The following FCF1 variants were observed in gnomAD, a reference collection of about 807,000 sequenced individuals.
The protein encoded by FCF1 is FCF1 rRNA-processing protein.
FCF1 carries 17 observed loss-of-function variants against 32.5 expected under a neutral mutation model. That is an observed-to-expected ratio of 0.52 (90% CI 0.36 to 0.78). The LOEUF (loss-of-function observed/expected upper bound fraction) is 0.78. Among genes scored for constraint, FCF1 ranks in the 30% least tolerant of loss-of-function variants. FCF1 has a pLI of 0.00. For synonymous variants in FCF1, 84 were observed against 78.4 expected, an observed-to-expected ratio of 1.07 and a Z score of -0.38; for missense variants, 201 against 241.1, an observed-to-expected ratio of 0.83 and a Z score of 1.10.
chr14:74,715,048 A>T, intron 3 of FCF1, 105 bp downstream of exon 3: 1 of 1,150,682 alleles, frequency 8.7e-7, no homozygotes, highest in East Asian at 2.7e-5. Flanking sequence ...TAAGTCTAGC[A>T]CAACTATGTA....
At position 74,715,953 on chromosome 14, in the gene FCF1, C is replaced by T. The variant is rs369221579; in HGVS notation, c.146C>T (p.Pro49Leu). Residue 49 changes from proline to leucine, a missense_variant and splice_region_variant, in exon 4 of 8, where the codon CCC (proline) becomes CTC (leucine). By Grantham distance (98) the Pro-to-Leu change is moderately conservative. Coordinates refer to ENST00000341162, the MANE Select transcript of FCF1 (RefSeq NM_015962.5). ...TTCTTGTTTTCTTTTTCCTTCAGTCCCCAACACCCTTCCTGCTTATTTTTC... is the reference window on the plus strand; with the variant it reads ...TTCTTGTTTTCTTTTTCCTTCAGTCTCCAACACCCTTCCTGCTTATTTTTC... ...DPSALKEREV[P>L]QHPSCLFFQY... The T allele has an allele frequency of 1.8e-5, 29 of 1,613,422 alleles. No individual in the cohort carries two copies. In the South Asian group the frequency reaches 3.0e-4, roughly 17 times the overall value.
chr14:74,717,253 G>A (rs745652190), intron 4 of FCF1, among the ~76,000 whole-genome samples: 12 of 152,150 alleles, frequency 7.9e-5, no homozygotes, highest in South Asian at 6.2e-4. Flanking sequence ...CTACTTGGGA[G>A]GCTGAGGCAG....
At position 74,723,331 on chromosome 14, in the gene FCF1, C is replaced by A. The variant is rs201408131; in HGVS notation, c.352C>A (p.Arg118=). 6 of 1,612,586 alleles carry A rather than the reference C, an allele frequency of 3.7e-6. No homozygotes were observed. The highest frequency in any genetic ancestry group is 1.7e-5 in the Admixed American group (1 of 59,990). The change falls in exon 5 of 8, where the codon CGA becomes AGA. Residue 118 remains arginine, a synonymous_variant. Coordinates refer to ENST00000341162, the MANE Select transcript of FCF1 (RefSeq NM_015962.5). ...AATTGAGAAATTGGGGCAGAAGTAT[C>A]GAGTGGCTCTAAGGTAGGAAGGAGG... The part of the protein sequence containing the change: ...AEIEKLGQKY[R]VALRIAKDPR...
chr14:74,721,801 A>G lies in FCF1; in HGVS notation c.293-1471A>G, dbSNP rs182964449. On this transcript the variant is annotated intron_variant, in intron 4 of 7. Transcript: ENST00000341162. ...AAATACATAATTTTTTAAACCCAGTATCTTATTAGGTATTTTGGTTATTTC... is the reference window on the plus strand; with the variant it reads ...AAATACATAATTTTTTAAACCCAGTGTCTTATTAGGTATTTTGGTTATTTC... 1.8e-3 allele frequency among the ~76,000 whole-genome samples: 271 copies of G among 152,320 alleles called. 4 individuals carry two copies. The highest frequency in any genetic ancestry group is 0.014 in the Middle Eastern group (4 of 294).
chr14:74,725,935 CAA>C (rs568348050), intron 5 of FCF1, among the ~76,000 whole-genome samples: 13 of 108,402 alleles, frequency 1.2e-4, no homozygotes, highest in Admixed American at 2.0e-4. Flanking sequence ...GACTCCATCT[CAA>C]AAAAAAAAAA....
intron 3 of FCF1, chr14:74,715,523 C>T (rs1297614967): frequency 3.4e-6 from 1 of 297,420 alleles, no homozygotes; most frequent in Non-Finnish European, 6.5e-6. Context: ...ACAGGTCCTG[C>T]TGTAGTATAT....
rs1355818905 is a variant in FCF1 at position 74,713,535 on chromosome 14, T to G, written c.54T>G (p.Ser18Arg). The G allele has an allele frequency of 6.2e-7, 1 of 1,611,980 alleles. No homozygotes were observed. Among genetic ancestry groups the G allele is most frequent in the Non-Finnish European group, 8.5e-7 (1 of 1,179,804 alleles). The change falls in exon 2 of 8, where the codon AGT (serine) becomes AGG (arginine). Residue 18 changes from serine to arginine, a missense_variant. By Grantham distance (110) the Ser-to-Arg change is moderately radical. This residue lies in a region of FCF1 where 76 missense variants were observed against 75.0 expected (regional missense o/e 1.01). Coordinates refer to ENST00000341162, the MANE Select transcript of FCF1 (RefSeq NM_015962.5). ...RKYATMKRML[S>R]LRDQRLKEKD... The stretch of plus-strand genomic sequence containing the variant: ...ATGCGACCATGAAGCGAATGCTTAG[T>G]CTCAGAGATCAGAGGCTGTGAGTGT...
chr14:74,715,299 A>G (rs2090403575), intron 3 of FCF1, among the ~76,000 whole-genome samples: 1 of 152,192 alleles, frequency 6.6e-6, no homozygotes, highest in African/African-American at 2.4e-5. Flanking sequence ...AGATATTTAT[A>G]TAAAGATATG....
intron 5 of FCF1, among the ~76,000 whole-genome samples, chr14:74,729,623 G>A (rs1395289216): frequency 6.6e-6 from 1 of 152,040 alleles, no homozygotes; most frequent in Non-Finnish European, 1.5e-5. Context: ...TCTGATTTTA[G>A]TTATTTCTTG....
intron 4 of FCF1, among the ~76,000 whole-genome samples, chr14:74,720,105 G>GC (rs1456101116): frequency 6.6e-6 from 1 of 152,164 alleles, no homozygotes; most frequent in Admixed American, 6.6e-5. Context: ...TCGTGCCATT[G>GC]CAAGAGCGAA....
chr14:74,714,806 T>C lies in FCF1; in HGVS notation c.72-66T>C. 7.3e-6 allele frequency: 11 copies of C among 1,497,724 alleles called. No individual in the cohort carries two copies. In the South Asian group the frequency reaches 1.3e-4, roughly 18 times the overall value. 92.8% of individuals were successfully genotyped at this position (1,497,724 alleles called of 1,614,324 possible). A position where few individuals can be genotyped will look rare whatever the true frequency, so the allele number is the denominator to read the frequency against. Reference sequence around the variant, plus strand: ...AAAAAAAAAAAAATGGAACTTTAGATTTTTGAGATTTTAATTGCTGTGGTT... The same window carrying C: ...AAAAAAAAAAAAATGGAACTTTAGACTTTTGAGATTTTAATTGCTGTGGTT... On this transcript the variant is annotated intron_variant, in intron 2 of 7. Coordinates refer to ENST00000341162, the MANE Select transcript of FCF1 (RefSeq NM_015962.5).
chr14:74,718,660 C>T (rs774218728), intron 4 of FCF1, among the ~76,000 whole-genome samples: 12 of 151,720 alleles, frequency 7.9e-5, no homozygotes, highest in East Asian at 1.9e-4. Context: ...AAAGTAGAGA[C>T]GGGGTTTCTC....
At chr14:74,730,112 A>C (rs575517696) in intron 5 of FCF1, among the ~76,000 whole-genome samples, 1 of 152,146 alleles carries the variant, frequency 6.6e-6, no homozygotes, top group East Asian at 1.9e-4. Context: ...GTAGATGTCT[A>C]TGAAAAAGCA....
rs2090530642 is a variant in FCF1, at chr14:74,723,306, A to G, written c.327A>G (p.Glu109=). 2.5e-6 allele frequency: 4 copies of G among 1,613,674 alleles called. No homozygotes were observed. Among genetic ancestry groups the G allele is most frequent in the Middle Eastern group, 3.3e-4 (2 of 6,054 alleles). The part of the protein sequence containing the change: ...IPCITDCVMA[E]IEKLGQKYRV... ...GTATAACCGATTGTGTAATGGCTGA[A>G]ATTGAGAAATTGGGGCAGAAGTATC... Residue 109 remains glutamate (E), a synonymous_variant, in exon 5 of 8, where the codon GAA becomes GAG. Coordinates refer to ENST00000341162, the MANE Select transcript of FCF1 (RefSeq NM_015962.5).
intron 5 of FCF1, among the ~76,000 whole-genome samples, chr14:74,730,202 T>C (rs530127140): frequency 6.7e-6 from 1 of 149,220 alleles, no homozygotes; most frequent in East Asian, 1.9e-4. Flanking sequence ...GATATGTGTA[T>C]ATGCTTTTTT....
Position 74,723,343 on chromosome 14 carries a change from A to C in FCF1, c.364A>C (p.Arg122=). The change falls in exon 5 of 8, where the codon AGG becomes CGG. Residue 122 remains arginine (R), a splice_region_variant and synonymous_variant. Transcript: ENST00000341162. ...GGGGCAGAAGTATCGAGTGGCTCTA[A>C]GGTAGGAAGGAGGTAAACTAGATCT... ...KLGQKYRVAL[R]IAKDPRFERL... 6.2e-7 allele frequency: 1 copy of C among 1,610,262 alleles called. No individual in the cohort carries two copies.
chr14:74,713,501 C>T lies in FCF1; in HGVS notation c.20C>T (p.Thr7Ile). The T allele has an allele frequency of 1.2e-6, 2 of 1,612,604 alleles. No individual in the cohort carries two copies. The highest frequency in any genetic ancestry group is 1.7e-6 in the Non-Finnish European group (2 of 1,179,956). MGKQKK[T>I]RKYATMKRML... ...TGTTTCAAGGGGAAGCAAAAGAAAA[C>T]AAGGAAGTATGCGACCATGAAGCGA... Residue 7 changes from threonine (T) to isoleucine (I), a missense_variant, in exon 2 of 8, where the codon ACA becomes ATA. This residue lies in a region of FCF1 where 76 missense variants were observed against 75.0 expected (regional missense o/e 1.01). Coordinates refer to ENST00000341162, the MANE Select transcript of FCF1 (RefSeq NM_015962.5).
intron 5 of FCF1, among the ~76,000 whole-genome samples, chr14:74,730,364 C>T (rs910578627): frequency 4.0e-5 from 6 of 151,820 alleles, no homozygotes; most frequent in Non-Finnish European, 7.4e-5. Context: ...AGGTGCATAC[C>T]ACTATGCATG....
intron 7 of FCF1, among the ~76,000 whole-genome samples, 161 bp downstream of exon 7, chr14:74,734,331 AAG>A (rs111302128): frequency 2.2e-4 from 34 of 152,050 alleles, no homozygotes; most frequent in African/African-American, 8.2e-4. Flanking sequence ...GCAAGAGCAA[AAG>A]AGAGAGATAG....
Sources: allele counts gnomAD v4.1 joint callset (sites outside exome capture counted in the v4.1 genomes callset), GRCh38; gene constraint gnomAD v4.1.1; regional missense constraint gnomAD v4.1.1; transcripts MANE v1.5; gene names NCBI Gene and HGNC (gene_info 2026-07-23, HGNC 2026-07-21).